Variants in PLAA observed in about 807,000 individuals in gnomAD.
The protein encoded by PLAA is phospholipase A2 activating protein.
A neutral mutation model predicts 84.1 loss-of-function variants in PLAA; 48 were observed. That is an observed-to-expected ratio of 0.57 (90% CI 0.45 to 0.73). The LOEUF (loss-of-function observed/expected upper bound fraction) is 0.73. Among genes scored for constraint, PLAA ranks in the 30% least tolerant of loss-of-function variants. The probability of loss-of-function intolerance (pLI) is 0.00; values close to 1 mark genes in which losing one functional copy is unlikely to be tolerated. For synonymous variants in PLAA, 392 were observed against 336.6 expected (o/e 1.16, Z -1.80); for missense variants, 903 against 954.7 (o/e 0.95, Z 0.71).
At chr9:26,907,755 A>G (rs41271171) in intron 13 of PLAA, 79 bp downstream of exon 13, 165 of 1,269,294 alleles carry the variant, frequency 1.3e-4, no homozygotes, top group Non-Finnish European at 1.7e-4. Context: ...CATTTAATCC[A>G]CAAATACCAG....
At chr9:26,945,824 G>C (rs995838481) in intron 1 of PLAA, among the ~76,000 whole-genome samples, 12 of 152,178 alleles carry the variant, frequency 7.9e-5, no homozygotes, top group Admixed American at 3.3e-4. Context: ...TCCACGACCA[G>C]CTCCATCCAT....
At chr9:26,919,119 A>C in intron 9 of PLAA, 191 bp downstream of exon 9, 3 of 421,892 alleles carry the variant, frequency 7.1e-6, no homozygotes, top group Non-Finnish European at 1.3e-5. Flanking sequence ...AAAGACAACA[A>C]TTTACTATTA....
At chr9:26,938,554 TAAAAAAAA>T (rs34448526) in intron 1 of PLAA, among the ~76,000 whole-genome samples, 2 of 114,638 alleles carry the variant, frequency 1.7e-5, no homozygotes, top group Non-Finnish European at 3.6e-5. Context: ...CACCATTTCT[TAAAAAAAA>T]AAAAAAAAAA....
In PLAA at chr9:26,907,853, T is replaced by C; in HGVS notation, c.1803A>G (p.Lys601=). 1 of 1,608,760 alleles carries C rather than the reference T, an allele frequency of 6.2e-7. No individual in the cohort carries two copies. Among genetic ancestry groups the C allele is most frequent in the Non-Finnish European group, 8.5e-7 (1 of 1,178,834 alleles). ...PTVQQLQILW[K]AINCPEDIVF... ...ATTTACCTTCAGGACAGTTAATAGCTTTCCACAAAATCTGAAGTTGCTGGA... is the reference window on the plus strand; with the variant it reads ...ATTTACCTTCAGGACAGTTAATAGCCTTCCACAAAATCTGAAGTTGCTGGA... The change falls in exon 13 of 14, where the codon AAA becomes AAG. Residue 601 remains lysine (K), a synonymous_variant. Coordinates refer to ENST00000397292, the MANE Select transcript of PLAA (RefSeq NM_001031689.3).
rs12336131 is a variant in PLAA at position 26,912,902 on chromosome 9, T to C, written c.1555+977A>G. Among the ~76,000 whole-genome samples the C allele has an allele frequency of 9.1e-3, 1,382 of 152,242 alleles. 16 individuals carry two copies. Among genetic ancestry groups the C allele is most frequent in the African/African-American group, 0.031 (1,289 of 41,524 alleles). On this transcript the variant is annotated intron_variant, in intron 11 of 13. Coordinates refer to ENST00000397292, the MANE Select transcript of PLAA (RefSeq NM_001031689.3). The stretch of plus-strand genomic sequence containing the variant: ...TTCAGTATTGCTAACCAATGTTACT[T>C]TTGCAATTAAAAAATAGCTTACAAA...
At chr9:26,944,009 T>C (rs917880631) in intron 1 of PLAA, among the ~76,000 whole-genome samples, 5 of 152,134 alleles carry the variant, frequency 3.3e-5, no homozygotes, top group African/African-American at 1.2e-4. Context: ...CCCCCAAAGT[T>C]CATGTGCTGG....
chr9:26,918,816 G>A (rs1245591397), intron 9 of PLAA, among the ~76,000 whole-genome samples: 1 of 152,132 alleles, frequency 6.6e-6, no homozygotes, highest in African/African-American at 2.4e-5. Flanking sequence ...ACAATTTACA[G>A]ACTGGTATGA....
intron 7 of PLAA, among the ~76,000 whole-genome samples, chr9:26,922,149 C>T (rs1824784166): frequency 6.6e-6 from 1 of 152,114 alleles, no homozygotes; most frequent in Admixed American, 6.6e-5. Context: ...TTTTGACTTA[C>T]TTTATGTCTA....
intron 11 of PLAA, 147 bp downstream of exon 11, chr9:26,913,732 C>T (rs1824463516): frequency 3.4e-6 from 2 of 580,848 alleles, no homozygotes; most frequent in South Asian, 4.7e-5. Flanking sequence ...TCTGAGAAAA[C>T]TCAAAAAGCC....
In PLAA at chr9:26,919,432, T is replaced by C. The variant is rs750448654; in HGVS notation, c.1295A>G (p.Asn432Ser). The change falls in exon 9 of 14, where the codon AAC (asparagine) becomes AGC (serine). Residue 432 changes from asparagine (N) to serine (S), a missense_variant. Transcript: ENST00000397292. ...ATTCAAATCATTCTTCTGTAAGAAG[T>C]TGTATGCAGTTAACCAAGGGTCATC... is the stretch of plus-strand genomic sequence containing the variant. The part of the protein sequence containing the change: ...TSDDPWLTAY[N>S]FLQKNDLNPM... 6 of 1,611,034 alleles carry C rather than the reference T, an allele frequency of 3.7e-6. No homozygotes were observed. The highest frequency in any genetic ancestry group is 1.1e-5 in the South Asian group (1 of 91,000).
chr9:26,930,883 T>G (rs370354381), intron 2 of PLAA, among the ~76,000 whole-genome samples: 17 of 152,094 alleles, frequency 1.1e-4, no homozygotes, highest in African/African-American at 3.6e-4. Flanking sequence ...ATGCCCAGTC[T>G]GAGATCTTAA....
rs1824675315 is a variant in PLAA at position 26,919,290 on chromosome 9, C to A, written c.1417+20G>T. 2 of 1,497,944 alleles carry A rather than the reference C, an allele frequency of 1.3e-6. No homozygotes were observed. Among genetic ancestry groups the A allele is most frequent in the South Asian group, 1.1e-5 (1 of 87,060 alleles). The allele number at this position is 1,497,944 out of a possible 1,614,324, so 92.8% of individuals were successfully genotyped here. On this transcript the variant is annotated intron_variant, in intron 9 of 13. Coordinates refer to ENST00000397292, the MANE Select transcript of PLAA (RefSeq NM_001031689.3). ...AACACTAATGGAACTACATAAGACT[C>A]AATATAAACACTAACTTACCTGTAA... is the stretch of plus-strand genomic sequence containing the variant.
chr9:26,947,078 C>A lies in PLAA; in HGVS notation c.-33G>T, dbSNP rs758220141. The A allele has an allele frequency of 3.2e-6, 5 of 1,539,422 alleles. No individual in the cohort carries two copies. Among genetic ancestry groups the A allele is most frequent in the Admixed American group, 3.9e-5 (2 of 50,784 alleles). On this transcript the variant is annotated 5_prime_UTR_variant, in exon 1 of 14. Transcript: ENST00000397292. ...GTCTGTCTGGCGCCCGGTGCCCAGG[C>A]ACTGTGCGAGACCAGTCCGCAGGGG...
At position 26,907,546 on chromosome 9, in the gene PLAA, A is replaced by AAAAAC. The variant is rs990468246; in HGVS notation, c.1822+283_1822+287dup. ...CAGAGCAAGACTCCATTTCAAAAAC[A>AAAAAC]AAAACAAAACAAAACAAAAAAACAA... is the stretch of plus-strand genomic sequence containing the variant. On this transcript the variant is annotated intron_variant, in intron 13 of 13. Transcript: ENST00000397292. 4 of 305,548 alleles carry AAAAAC rather than the reference A, an allele frequency of 1.3e-5. No individual in the cohort carries two copies. In the East Asian group the frequency reaches 2.9e-4, roughly 22 times the overall value. The allele number at this position is 305,548 out of a possible 1,614,324, so 18.9% of individuals were successfully genotyped here. A position where few individuals can be genotyped will look rare whatever the true frequency, so the allele number is the denominator to read the frequency against.
At chr9:26,917,053 T>C (rs759103937) in intron 10 of PLAA, 44 bp downstream of exon 10, 9 of 1,486,834 alleles carry the variant, frequency 6.1e-6, no homozygotes, top group South Asian at 2.3e-5. Flanking sequence ...CAAGATGCTA[T>C]ACATTTAGTG....
intron 10 of PLAA, chr9:26,916,199 G>C: frequency 1.0e-6 from 1 of 985,290 alleles, no homozygotes; most frequent in Non-Finnish European, 1.2e-6. Context: ...ATGACTTAGA[G>C]AGGACTGTAG....
Position 26,923,181 on chromosome 9 carries a change from G to T in PLAA, c.1036C>A (p.Pro346Thr). The change falls in exon 7 of 14, where the codon CCT (proline) becomes ACT (threonine). Residue 346 changes from proline (P) to threonine (T), a missense_variant. Coordinates refer to ENST00000397292, the MANE Select transcript of PLAA (RefSeq NM_001031689.3). ...CTAGGTACAATAAAATACTTACCAG[G>T]TTCATTAAGATGTTCCCTCCCAGGA... ...QLPGREHLNE[P>T]GTREGQTRLI... 1.3e-6 allele frequency: 2 copies of T among 1,586,186 alleles called. No homozygotes were observed. Among genetic ancestry groups the T allele is most frequent in the Non-Finnish European group, 1.7e-6 (2 of 1,163,112 alleles).
intron 2 of PLAA, among the ~76,000 whole-genome samples, chr9:26,930,352 C>T (rs1455139576): frequency 6.6e-6 from 1 of 152,114 alleles, no homozygotes; most frequent in Non-Finnish European, 1.5e-5. Context: ...GATCCGCCCG[C>T]CTTGGCCTCC....
At chr9:26,940,901 C>T (rs1211185580) in intron 1 of PLAA, among the ~76,000 whole-genome samples, 1 of 151,748 alleles carries the variant, frequency 6.6e-6, no homozygotes, top group African/African-American at 2.4e-5. Flanking sequence ...ATCAATAAGC[C>T]CAGAGGAAGT....
Sources: gnomAD v4.1 joint callset for allele counts (sites outside exome capture counted in the v4.1 genomes callset) on GRCh38, gnomAD v4.1.1 for gene constraint, MANE v1.5 for transcripts, NCBI Gene and HGNC (gene_info 2026-07-23, HGNC 2026-07-21) for gene names.